MGAT5B: variants seen among roughly 807,000 people sequenced by gnomAD.
MGAT5B encodes alpha-1,6-mannosylglycoprotein 6-beta-N-acetylglucosaminyltransferase B, also known as N-acetylglucosaminyl-transferase Vb.
Under a neutral mutation model 95.1 loss-of-function variants are expected in MGAT5B, and 54 were observed. The ratio of observed to expected loss-of-function variants is 0.57; its 90% CI spans 0.46 to 0.71. The LOEUF (loss-of-function observed/expected upper bound fraction) is 0.71. MGAT5B is among the 30% of genes least tolerant of loss of function. The pLI, the probability that MGAT5B is intolerant of heterozygous loss-of-function variation, is 0.00. For missense variants in MGAT5B, 935 were observed against 1,088.6 expected (o/e 0.86, Z 1.99); for synonymous variants, 464 against 451.0 (o/e 1.03, Z -0.36).
chr17:76,878,870 T>A (rs1218467333), intron 2 of MGAT5B, among the ~76,000 whole-genome samples: 1 of 152,166 alleles, frequency 6.6e-6, no homozygotes, highest in Non-Finnish European at 1.5e-5. Context: ...GTCAGGGCGA[T>A]AGAGACTCAG....
chr17:76,918,538 C>T lies in MGAT5B; in HGVS notation c.1026-6428C>T, dbSNP rs1195749814. Reference sequence around the variant, plus strand: ...CTGCAGGACGGTGTAATTCTTTCCTCATTAGTGATCCTAACCCCTGCTTCC... The same window carrying T: ...CTGCAGGACGGTGTAATTCTTTCCTTATTAGTGATCCTAACCCCTGCTTCC... On this transcript the variant is annotated intron_variant, in intron 8 of 17. Transcript: ENST00000569840. The surrounding 1 kb of genome is among the most constrained non-coding windows in gnomAD (Gnocchi z 5.1). Among the ~76,000 whole-genome samples the T allele has an allele frequency of 1.3e-5, 2 of 152,220 alleles. No homozygotes were observed. Among genetic ancestry groups the T allele is most frequent in the Admixed American group, 6.5e-5 (1 of 15,274 alleles).
At position 76,930,957 on chromosome 17, in the gene MGAT5B, T is replaced by C. The variant is rs1405225001; in HGVS notation, c.1292-1688T>C. 1.3e-5 allele frequency among the ~76,000 whole-genome samples: 2 copies of C among 151,954 alleles called. No homozygotes were observed. The highest frequency in any genetic ancestry group is 2.4e-5 in the African/African-American group (1 of 41,362). ...CAGCAGCAGGGGCAACGCTTGGAGG[T>C]GGGAATGGGAGGCTTTTCCCCTGTC... On this transcript the variant is annotated intron_variant, in intron 10 of 17. Coordinates refer to ENST00000569840, the MANE Select transcript of MGAT5B (RefSeq NM_001199172.2). This position sits in a 1 kb window ranked among gnomAD's most constrained non-coding sequence, Gnocchi z 4.1.
intron 12 of MGAT5B, among the ~76,000 whole-genome samples, chr17:76,933,856 C>G (rs75186069): frequency 0.086 from 13,037 of 152,200 alleles, 679 homozygotes; most frequent in Middle Eastern, 0.15. Flanking sequence ...CTTACCTTGA[C>G]CCATCGTGTT....
At position 76,918,673 on chromosome 17, in the gene MGAT5B, G is replaced by T. The variant is rs1321309042; in HGVS notation, c.1026-6293G>T. Among the ~76,000 whole-genome samples the T allele has an allele frequency of 6.6e-6, 1 of 152,180 alleles. No individual in the cohort carries two copies. Among genetic ancestry groups the T allele is most frequent in the Admixed American group, 6.5e-5 (1 of 15,280 alleles). ...CTGTTGTGGTAATGGGCCATGGCAG[G>T]GTTGGGGGCTGCCCATGATACTTGG... is the stretch of plus-strand genomic sequence containing the variant. On this transcript the variant is annotated intron_variant, in intron 8 of 17. Coordinates refer to ENST00000569840, the MANE Select transcript of MGAT5B (RefSeq NM_001199172.2). The surrounding 1 kb of genome is among the most constrained non-coding windows in gnomAD (Gnocchi z 5.1).
At chr17:76,882,333 G>C in intron 3 of MGAT5B, 35 bp downstream of exon 3, 1 of 1,551,544 alleles carries the variant, frequency 6.4e-7, no homozygotes, top group South Asian at 1.2e-5. Context: ...CACGGAGCAG[G>C]GGAGCGGTGG....
chr17:76,907,086 T>C (rs1968559072), intron 8 of MGAT5B, among the ~76,000 whole-genome samples: 1 of 151,932 alleles, frequency 6.6e-6, no homozygotes, highest in Non-Finnish European at 1.5e-5. Context: ...AGTTTCTCTC[T>C]TGTTCCCCAG....
Position 76,875,694 on chromosome 17 carries a change from A to G in MGAT5B, c.181+2731A>G, listed in dbSNP as rs1231366679. 3.6e-5 allele frequency among the ~76,000 whole-genome samples: 4 copies of G among 111,648 alleles called. No individual in the cohort carries two copies. The East Asian group carries it at 8.2e-4, about 23-fold the overall frequency. The allele number at this position is 111,648 out of a possible 152,430, so 73.2% of individuals were successfully genotyped here. On this transcript the variant is annotated intron_variant, in intron 2 of 17. Transcript: ENST00000569840. ...TTTTTTTTTTGCTGTGTAGCCTTCC[A>G]TTGTGTGAGTACACCACCATATTTT...
intron 3 of MGAT5B, among the ~76,000 whole-genome samples, chr17:76,887,513 CCCTCCCTCCCTCCCTCCCTT>C (rs1469648736): frequency 3.8e-4 from 25 of 65,970 alleles, no homozygotes; most frequent in African/African-American, 2.8e-3. Flanking sequence ...CTCCCTCCCT[CCCTCCCTCCCTCCCTCCCTT>C]CCTTCCTTCC....
rs1968763276 is a variant in MGAT5B at position 76,912,203 on chromosome 17, GT to G, written c.1025+6018del. 6.6e-6 allele frequency among the ~76,000 whole-genome samples: 1 copy of G among 152,178 alleles called. No individual in the cohort carries two copies. The highest frequency in any genetic ancestry group is 2.4e-5 in the African/African-American group (1 of 41,436). ...AAGGTCATAGCCTGAAGAACTGGGG[GT>G]TAGGACTTCAATATGTCAATGTTGG... On this transcript the variant is annotated intron_variant, in intron 8 of 17. Coordinates refer to ENST00000569840, the MANE Select transcript of MGAT5B (RefSeq NM_001199172.2). This position sits in a 1 kb window ranked among gnomAD's most constrained non-coding sequence, Gnocchi z 5.0.
chr17:76,926,263 G>A (rs1313524694), intron 9 of MGAT5B, among the ~76,000 whole-genome samples: 2 of 152,152 alleles, frequency 1.3e-5, no homozygotes, highest in Non-Finnish European at 2.9e-5. Context: ...ACACCAGAGA[G>A]GGACCCCCTC....
intron 12 of MGAT5B, among the ~76,000 whole-genome samples, chr17:76,934,079 C>T (rs1157814211): frequency 6.6e-6 from 1 of 152,178 alleles, no homozygotes; most frequent in Admixed American, 6.5e-5. Context: ...TCAATGTGCC[C>T]AGCCCTGTTC....
Position 76,889,314 on chromosome 17 carries a change from A to G in MGAT5B, c.329+7016A>G, listed in dbSNP as rs1967783987. Among the ~76,000 whole-genome samples, 1 of 152,136 alleles carries G rather than the reference A, an allele frequency of 6.6e-6. No homozygotes were observed. The highest frequency in any genetic ancestry group is 1.5e-5 in the Non-Finnish European group (1 of 68,014). The stretch of plus-strand genomic sequence containing the variant: ...GTGCCCATGGGAGGTGACTGAGCCC[A>G]CGGGAGGTCACTGTGATGGGTTTGG... On this transcript the variant is annotated intron_variant, in intron 3 of 17. Coordinates refer to ENST00000569840, the MANE Select transcript of MGAT5B (RefSeq NM_001199172.2). The surrounding 1 kb of genome is among the most constrained non-coding windows in gnomAD (Gnocchi z 4.4).
chr17:76,932,886 T>C, intron 11 of MGAT5B, 111 bp downstream of exon 11: 1 of 1,451,392 alleles, frequency 6.9e-7, no homozygotes, highest in South Asian at 1.3e-5. Context: ...GCCCCAGCCC[T>C]GCATGCTGGA....
chr17:76,923,665 AC>A (rs1293210945), intron 8 of MGAT5B, among the ~76,000 whole-genome samples: 1 of 152,064 alleles, frequency 6.6e-6, no homozygotes, highest in Admixed American at 6.5e-5. Flanking sequence ...CTGCTCCAGC[AC>A]CCCCAGGTGT....
intron 12 of MGAT5B, among the ~76,000 whole-genome samples, chr17:76,935,441 G>T (rs1165503803): frequency 6.4e-5 from 3 of 47,214 alleles, no homozygotes; most frequent in African/African-American, 1.2e-4. Context: ...TTATTACGAG[G>T]CTTTCAATTC....
chr17:76,871,392 C>T (rs746905980), intron 1 of MGAT5B, among the ~76,000 whole-genome samples: 18 of 152,200 alleles, frequency 1.2e-4, no homozygotes, highest in Non-Finnish European at 2.4e-4. Flanking sequence ...TGAATCATGT[C>T]TCCTGTCCTT....
At chr17:76,873,764 G>T (rs1967087585) in intron 2 of MGAT5B, among the ~76,000 whole-genome samples, 1 of 152,176 alleles carries the variant, frequency 6.6e-6, no homozygotes, top group East Asian at 1.9e-4. Context: ...TTGGTCACTG[G>T]TCAAAAGGAG....
intron 3 of MGAT5B, among the ~76,000 whole-genome samples, chr17:76,897,136 C>T (rs981331166): frequency 2.0e-5 from 3 of 152,078 alleles, no homozygotes. Context: ...AGGCTGGTCT[C>T]GAACTCCTGG....
At position 76,905,114 on chromosome 17, in the gene MGAT5B, G is replaced by A; in HGVS notation, c.691-55G>A. On this transcript the variant is annotated intron_variant, in intron 6 of 17. Transcript: ENST00000569840. The surrounding 1 kb of genome is among the most constrained non-coding windows in gnomAD (Gnocchi z 4.2). The stretch of plus-strand genomic sequence containing the variant: ...CAGCCCCTGTCCCCAGGCCAGCGGG[G>A]AATGATGGTGGCCGCAGGTTGAGGG... The A allele has an allele frequency of 6.4e-7, 1 of 1,550,686 alleles. No homozygotes were observed. The highest frequency in any genetic ancestry group is 8.8e-7 in the Non-Finnish European group (1 of 1,141,670).
Sources: gnomAD v4.1 joint callset for allele counts (sites outside exome capture counted in the v4.1 genomes callset) on GRCh38, gnomAD v4.1.1 for gene constraint, Gnocchi (gnomAD v3.1) non-coding constraint, MANE v1.5 for transcripts, NCBI Gene and HGNC (gene_info 2026-07-23, HGNC 2026-07-21) for gene names.